AGBL1: variants seen among roughly 807,000 people sequenced by gnomAD.
AGBL1 encodes cytosolic carboxypeptidase 4.
In AGBL1, 130 loss-of-function variants were observed where a neutral mutation model predicts 118.9. The ratio of observed to expected loss-of-function variants is 1.09; its 90% confidence interval spans 0.95 to 1.26. The LOEUF (loss-of-function observed/expected upper bound fraction) is 1.26. Ranked by LOEUF, AGBL1 falls within the 50% of genes most tolerant of loss-of-function variation. The pLI is 0.00. For synonymous variants in AGBL1, 555 were observed against 478.9 expected (o/e 1.16, Z -2.08); for missense variants, 1,584 against 1,298.1 (o/e 1.22, Z -3.38).
chr15:86,142,090 C>G (rs1307617560), intron 2 of AGBL1, 23 bp downstream of exon 2: 3 of 1,548,798 alleles, frequency 1.9e-6, no homozygotes, highest in Non-Finnish European at 2.6e-6. Context: ...TGCTCTCATG[C>G]TTTCATATGG....
At chr15:86,690,821 A>T (rs1470387523) in intron 22 of AGBL1, among the ~76,000 whole-genome samples, 7 of 152,068 alleles carry the variant, frequency 4.6e-5, no homozygotes, top group African/African-American at 1.7e-4. Flanking sequence ...TGGGTGCTGA[A>T]TTGTTAGTCT....
chr15:86,761,035 C>T (rs899875213), intron 22 of AGBL1, among the ~76,000 whole-genome samples: 2 of 152,062 alleles, frequency 1.3e-5, no homozygotes, highest in African/African-American at 2.4e-5. Flanking sequence ...TCTAGCCTTG[C>T]CTTCTCCAAG....
intron 17 of AGBL1, among the ~76,000 whole-genome samples, chr15:86,379,734 C>G (rs1352069500): frequency 1.3e-5 from 2 of 152,060 alleles, no homozygotes; most frequent in African/African-American, 4.8e-5. Context: ...AGATTCTGAC[C>G]CAAGTCCAGC....
chr15:86,938,361 G>A (rs2080702788), intron 23 of AGBL1, among the ~76,000 whole-genome samples: 1 of 152,104 alleles, frequency 6.6e-6, no homozygotes, highest in East Asian at 1.9e-4. Context: ...GACCAGGAGA[G>A]GAAGGCCACA....
At chr15:86,807,967 C>A (rs2078741282) in intron 22 of AGBL1, among the ~76,000 whole-genome samples, 1 of 152,014 alleles carries the variant, frequency 6.6e-6, no homozygotes, top group African/African-American at 2.4e-5. Flanking sequence ...TAAACATGGG[C>A]AAGCTGTGGA....
chr15:86,159,066 A>C (rs1597473581), intron 5 of AGBL1, 40 bp downstream of exon 5: 1 of 1,540,310 alleles, frequency 6.5e-7, no homozygotes, highest in South Asian at 1.1e-5. Flanking sequence ...CTTTTGTAAC[A>C]GATGGAGAGA....
intron 24 of AGBL1, among the ~76,000 whole-genome samples, chr15:86,993,731 T>G (rs1461981396): frequency 6.6e-6 from 1 of 152,188 alleles, no homozygotes; most frequent in East Asian, 1.9e-4. Context: ...TCTATCTAAA[T>G]CCAACAGTTT....
chr15:86,476,970 C>T (rs942438215), intron 18 of AGBL1, among the ~76,000 whole-genome samples: 53 of 152,288 alleles, frequency 3.5e-4, no homozygotes, highest in South Asian at 4.1e-4. Flanking sequence ...ACAACCTGCT[C>T]CTGAATGACT....
intron 21 of AGBL1, among the ~76,000 whole-genome samples, chr15:86,633,805 ATATATAATGTATG>A (rs1383062294): frequency 0.17 from 1,724 of 9,858 alleles, 28 homozygotes; most frequent in East Asian, 0.49. Context: ...TAATGTATAT[ATATATAATGTATG>A]TATATATATA....
intron 14 of AGBL1, 74 bp downstream of exon 14, chr15:86,270,141 G>C (rs901390604): frequency 1.3e-6 from 2 of 1,524,962 alleles, no homozygotes; most frequent in Admixed American, 4.1e-5. Flanking sequence ...TGGATTCAAA[G>C]AGCCTTTGCT....
At chr15:87,011,589 A>G (rs1341767037) in intron 24 of AGBL1, among the ~76,000 whole-genome samples, 1 of 152,162 alleles carries the variant, frequency 6.6e-6, no homozygotes, top group Non-Finnish European at 1.5e-5. Flanking sequence ...CATTTTCAGT[A>G]TGTTTGTGGG....
intron 17 of AGBL1, among the ~76,000 whole-genome samples, chr15:86,334,648 G>GA (rs35738001): frequency 0.4 from 61,054 of 151,002 alleles, 14,800 homozygotes; most frequent in Non-Finnish European, 0.55. Context: ...CACATAACTA[G>GA]AAAAAAAAAC....
At chr15:86,792,593 A>T (rs1262214302) in intron 22 of AGBL1, among the ~76,000 whole-genome samples, 1 of 152,120 alleles carries the variant, frequency 6.6e-6, no homozygotes, top group East Asian at 1.9e-4. Flanking sequence ...ATCATTACCC[A>T]TCCACCCAGA....
intron 22 of AGBL1, among the ~76,000 whole-genome samples, chr15:86,872,194 C>A (rs1470669228): frequency 6.6e-6 from 1 of 152,184 alleles, no homozygotes; most frequent in Non-Finnish European, 1.5e-5. Context: ...AAGAGCTTGT[C>A]GCATAAATCA....
At chr15:86,641,075 C>T (rs986573597) in intron 21 of AGBL1, among the ~76,000 whole-genome samples, 1 of 151,728 alleles carries the variant, frequency 6.6e-6, no homozygotes, top group Non-Finnish European at 1.5e-5. Context: ...TGTTTTCCTT[C>T]TTAATTGATA....
chr15:86,264,542 T>C lies in AGBL1; in HGVS notation c.1371T>C (p.Pro457=). 6.2e-7 allele frequency: 1 copy of C among 1,614,040 alleles called. No individual in the cohort carries two copies. Among genetic ancestry groups the C allele is most frequent in the South Asian group, 1.1e-5 (1 of 91,082 alleles). The part of the protein sequence containing the change: ...LRRDSSESEI[P]DIQASPKADA... Reference sequence around the variant, plus strand: ...GAGATTCTTCTGAAAGTGAAATCCCTGACATTCAGGCTTCCCCGAAAGCAG... The same window carrying C: ...GAGATTCTTCTGAAAGTGAAATCCCCGACATTCAGGCTTCCCCGAAAGCAG... The change falls in exon 11 of 23, where the codon CCT becomes CCC. Residue 457 remains proline (P), a synonymous_variant. Transcript: ENST00000614907.
At chr15:86,088,679 T>C (rs1302217379) in intron 1 of AGBL1, among the ~76,000 whole-genome samples, 1 of 152,208 alleles carries the variant, frequency 6.6e-6, no homozygotes, top group African/African-American at 2.4e-5. Context: ...TGGAAACAGA[T>C]GGATTTGAAA....
At chr15:86,406,608 G>A (rs951735552) in intron 18 of AGBL1, among the ~76,000 whole-genome samples, 1 of 152,046 alleles carries the variant, frequency 6.6e-6, no homozygotes, top group Admixed American at 6.6e-5. Flanking sequence ...GTAACGTAGA[G>A]GCTCTTCCTG....
intron 18 of AGBL1, among the ~76,000 whole-genome samples, chr15:86,457,424 A>G (rs1161953892): frequency 6.6e-6 from 1 of 152,196 alleles, no homozygotes; most frequent in Non-Finnish European, 1.5e-5. Context: ...GCCAATTTTA[A>G]TACCTGAAAT....
Sources: gnomAD v4.1 joint callset for allele counts (sites outside exome capture counted in the v4.1 genomes callset) on GRCh38, gnomAD v4.1.1 for gene constraint, MANE v1.5 for transcripts, NCBI Gene and HGNC (gene_info 2026-07-23, HGNC 2026-07-21) for gene names.